The following NPPA variants were observed in gnomAD, a reference collection of about 807,000 sequenced individuals.
The protein encoded by NPPA is natriuretic peptides A.
In NPPA, 10 loss-of-function variants were observed where a neutral mutation model predicts 12.2. That is an observed-to-expected ratio of 0.82 (90% CI 0.50 to 1.38). NPPA has a LOEUF of 1.38. NPPA is among the 40% of genes most tolerant of loss of function. The pLI, the probability that NPPA is intolerant of heterozygous loss-of-function variation, is 0.00. For synonymous variants in NPPA, 85 were observed against 80.2 expected (o/e 1.06, Z -0.32); for missense variants, 207 against 193.5 (o/e 1.07, Z -0.41).
intron 2 of NPPA, 126 bp from the exon 3 acceptor site, chr1:11,846,140 C>T: frequency 1.1e-6 from 1 of 903,334 alleles, no homozygotes; most frequent in South Asian, 1.3e-5. Context: ...CGGCCCCCAC[C>T]CCAGCCTGAT....
rs112722616 is a variant in NPPA, at chr1:11,847,690, C to T, written c.-6G>A. The T allele has an allele frequency of 1.5e-5, 24 of 1,613,990 alleles. No homozygotes were observed. Among genetic ancestry groups the T allele is most frequent in the East Asian group, 4.5e-5 (2 of 44,886 alleles). ...GTGGTGGAGAAGGAGCTCATGCTGG[C>T]GTCGTCAAGGAGCAATCCACTGCTT... On this transcript the variant is annotated 5_prime_UTR_variant, in exon 1 of 3. Coordinates refer to ENST00000376480, the MANE Select transcript of NPPA (RefSeq NM_006172.4).
Position 11,847,702 on chromosome 1 carries a change from G to A in NPPA, c.-18C>T. The A allele has an allele frequency of 6.2e-7, 1 of 1,613,928 alleles. No individual in the cohort carries two copies. The highest frequency in any genetic ancestry group is 8.5e-7 in the Non-Finnish European group (1 of 1,180,032). ...GAGCTCATGCTGGCGTCGTCAAGGA[G>A]CAATCCACTGCTTGCTGCTCTGTCT... On this transcript the variant is annotated 5_prime_UTR_variant, in exon 1 of 3. Transcript: ENST00000376480.
intron 2 of NPPA, among the ~76,000 whole-genome samples, 200 bp downstream of exon 2, chr1:11,846,913 C>G (rs972095312): frequency 3.2e-4 from 20 of 61,748 alleles, no homozygotes; most frequent in Admixed American, 7.5e-4. Context: ...TGTGCCCAGC[C>G]CCCCCCCCTT....
chr1:11,846,446 A>C (rs769740606), intron 2 of NPPA, among the ~76,000 whole-genome samples: 48 of 149,942 alleles, frequency 3.2e-4, no homozygotes, highest in Non-Finnish European at 4.4e-4. Context: ...CAGCCTCCGG[A>C]GTAGCTAGGA....
Position 11,845,874 on chromosome 1 carries a change from A to C in NPPA, c.*135T>G. On this transcript the variant is annotated 3_prime_UTR_variant, in exon 3 of 3. Transcript: ENST00000376480. ...TAAGATGTGAGAAGTGTTGACAGGA[A>C]GCTGCAGCTTAGATGGGATGATCAC... 1 of 860,592 alleles carries C rather than the reference A, an allele frequency of 1.2e-6. No homozygotes were observed. The highest frequency in any genetic ancestry group is 2.0e-6 in the Non-Finnish European group (1 of 496,514). The allele number at this position is 860,592 out of a possible 1,614,324, so 53.3% of individuals were successfully genotyped here.
intron 2 of NPPA, among the ~76,000 whole-genome samples, chr1:11,846,723 C>T (rs1340511370): frequency 2.0e-5 from 3 of 150,974 alleles, no homozygotes; most frequent in East Asian, 2.0e-4. Flanking sequence ...TCAAGTGATT[C>T]TCCTGCCTCA....
In NPPA at chr1:11,847,311, G is replaced by C. The variant is rs755212754; in HGVS notation, c.252C>G (p.Thr84=). Residue 84 remains threonine (T), a synonymous_variant, in exon 2 of 3, where the codon ACC becomes ACG. Coordinates refer to ENST00000376480, the MANE Select transcript of NPPA (RefSeq NM_006172.4). The stretch of plus-strand genomic sequence containing the variant: ...CTCTCTGGGCTGGGCTGACTTCCCC[G>C]GTCCAGGGAGGCACCTCAGGGAGGG... ...LSPLPEVPPW[T]GEVSPAQRDG... The C allele has an allele frequency of 1.9e-6, 3 of 1,613,434 alleles. No individual in the cohort carries two copies. Among genetic ancestry groups the C allele is most frequent in the Non-Finnish European group, 2.5e-6 (3 of 1,179,674 alleles).
At chr1:11,846,918 C>A (rs575299073) in intron 2 of NPPA, among the ~76,000 whole-genome samples, 195 bp downstream of exon 2, 74 of 147,522 alleles carry the variant, frequency 5.0e-4, no homozygotes, top group Admixed American at 2.0e-3. Context: ...CCAGCCCCCC[C>A]CCCTTTTTTT....
chr1:11,846,318 CTT>C (rs71568361), intron 2 of NPPA, among the ~76,000 whole-genome samples: 8 of 121,338 alleles, frequency 6.6e-5, no homozygotes, highest in South Asian at 2.6e-4. Flanking sequence ...GTGGCAGTTG[CTT>C]TTTTTTTTTT....
At position 11,847,026 on chromosome 1, in the gene NPPA, A is replaced by G; in HGVS notation, c.450+87T>C. 4.9e-6 allele frequency: 6 copies of G among 1,227,246 alleles called. No individual in the cohort carries two copies. In the South Asian group the frequency reaches 9.9e-5, roughly 20 times the overall value. The allele number at this position is 1,227,246 out of a possible 1,614,324, so 76.0% of individuals were successfully genotyped here. On this transcript the variant is annotated intron_variant, in intron 2 of 2. Transcript: ENST00000376480. ...TGTTGGGGCAGAAACTTGAGAGGGA[A>G]TGAGCTTCTGCATTGGTCCCTTTCC...
rs1328832745 is a variant in NPPA, at chr1:11,847,519, A to G, written c.123+43T>C. 1.9e-6 allele frequency: 3 copies of G among 1,614,214 alleles called. No homozygotes were observed. The South Asian group carries it at 3.3e-5, about 18-fold the overall frequency. ...TCAAGAGGAGTGAGCACAGCATCAG[A>G]AAGCCCCCTGGCCCCAGACTGCACC... On this transcript the variant is annotated intron_variant, in intron 1 of 2. Coordinates refer to ENST00000376480, the MANE Select transcript of NPPA (RefSeq NM_006172.4).
chr1:11,847,510 C>A (rs72639211), intron 1 of NPPA, 52 bp downstream of exon 1: 2 of 1,614,002 alleles, frequency 1.2e-6, no homozygotes, highest in Non-Finnish European at 1.7e-6. Context: ...GGAGTGAGCA[C>A]AGCATCAGAA....
rs1253492578 is a variant in NPPA, at chr1:11,847,222, T to G, written c.341A>C (p.Lys114Thr). 6.2e-7 allele frequency: 1 copy of G among 1,612,142 alleles called. No homozygotes were observed. Among genetic ancestry groups the G allele is most frequent in the East Asian group, 2.2e-5 (1 of 44,752 alleles). Residue 114 changes from lysine to threonine, a missense_variant, in exon 2 of 3, where the codon AAG becomes ACG. Coordinates refer to ENST00000376480, the MANE Select transcript of NPPA (RefSeq NM_006172.4). Reference sequence around the variant, plus strand: ...AGGGGCAGTGAGCAGCGCCCTCAGCTTGCTTTTTAGGAGGGCAGATCGATC... The same window carrying G: ...AGGGGCAGTGAGCAGCGCCCTCAGCGTGCTTTTTAGGAGGGCAGATCGATC... ...SSDRSALLKS[K>T]LRALLTAPRS...
At chr1:11,847,027 T>A (rs1352557163) in intron 2 of NPPA, 86 bp downstream of exon 2, 2 of 1,230,908 alleles carry the variant, frequency 1.6e-6, no homozygotes, top group East Asian at 5.2e-5. Context: ...TGAGAGGGAA[T>A]GAGCTTCTGC....
At position 11,847,349 on chromosome 1, in the gene NPPA, C is replaced by CT; in HGVS notation, c.213_214insA (p.Ala72SerfsTer8). ...ACCTCAGGGAGGGGGCTGAGAGCAGCCCCCGCTTCTTCATTCGGCTCACTG... is the reference window on the plus strand; with the variant it reads ...ACCTCAGGGAGGGGGCTGAGAGCAGCTCCCCGCTTCTTCATTCGGCTCACTG... On this transcript the variant is annotated frameshift_variant, in exon 2 of 3. Transcript: ENST00000376480. LOFTEE classifies it high-confidence loss of function. 1 of 1,613,752 alleles carries CT rather than the reference C, an allele frequency of 6.2e-7. No homozygotes were observed. The highest frequency in any genetic ancestry group is 8.5e-7 in the Non-Finnish European group (1 of 1,179,864).
intron 2 of NPPA, among the ~76,000 whole-genome samples, chr1:11,846,879 G>GC (rs1404785127): frequency 6.6e-6 from 1 of 150,810 alleles, no homozygotes; most frequent in Non-Finnish European, 1.5e-5. Context: ...CTCCCAAAGT[G>GC]CTGGGATTAC....
At chr1:11,846,447 G>C (rs1440000305) in intron 2 of NPPA, among the ~76,000 whole-genome samples, 1 of 151,316 alleles carries the variant, frequency 6.6e-6, no homozygotes, top group Non-Finnish European at 1.5e-5. Flanking sequence ...AGCCTCCGGA[G>C]TAGCTAGGAC....
At position 11,847,495 on chromosome 1, in the gene NPPA, C is replaced by G. The variant is rs575336411; in HGVS notation, c.124-56G>C. The G allele has an allele frequency of 3.3e-5, 53 of 1,614,110 alleles. No homozygotes were observed. In the South Asian group the frequency reaches 5.6e-4, roughly 17 times the overall value. On this transcript the variant is annotated intron_variant, in intron 1 of 2. Transcript: ENST00000376480. ...TAAACCTCACTGACTTGGAGGAAAT[C>G]AAGAGGAGTGAGCACAGCATCAGAA... is the stretch of plus-strand genomic sequence containing the variant.
At position 11,847,094 on chromosome 1, in the gene NPPA, C is replaced by T. The variant is rs779788639; in HGVS notation, c.450+19G>A. The T allele has an allele frequency of 6.6e-7, 1 of 1,517,216 alleles. No homozygotes were observed. Among genetic ancestry groups the T allele is most frequent in the South Asian group, 1.3e-5 (1 of 75,382 alleles). The allele number at this position is 1,517,216 out of a possible 1,614,324, so 94.0% of individuals were successfully genotyped here. ...AGTAGTGTCCATCCCATCCCATTTC[C>T]ATCCCCAGTTCCTCTTACCCGGAAG... On this transcript the variant is annotated intron_variant, in intron 2 of 2. Transcript: ENST00000376480.
Sources: gnomAD v4.1 joint callset for allele counts (sites outside exome capture counted in the v4.1 genomes callset) on GRCh38, gnomAD v4.1.1 for gene constraint, MANE v1.5 for transcripts, NCBI Gene and HGNC (gene_info 2026-07-23, HGNC 2026-07-21) for gene names.